MAPK14: variants seen among roughly 807,000 people sequenced by gnomAD.
MAPK14 encodes the protein CSAID-binding protein.
In MAPK14, 16 loss-of-function variants were observed where a neutral mutation model predicts 49.6. The ratio of observed to expected loss-of-function variants is 0.32; its 90% confidence interval spans 0.22 to 0.49. The LOEUF (loss-of-function observed/expected upper bound fraction) is 0.49. Among genes scored for constraint, MAPK14 ranks in the 20% least tolerant of loss-of-function variants. The pLI, the probability that MAPK14 is intolerant of heterozygous loss-of-function variation, is 0.99. For missense variants in MAPK14, 200 were observed against 441.2 expected (o/e 0.45, Z 4.90); for synonymous variants, 142 against 158.0 (o/e 0.90, Z 0.76).
intron 1 of MAPK14, among the ~76,000 whole-genome samples, chr6:36,029,872 TACATTCA>T (rs1762468537): frequency 2.5e-5 from 3 of 118,790 alleles, no homozygotes; most frequent in South Asian, 4.9e-4. Context: ...TGCAGCATTT[TACATTCA>T]GTATATACAT....
intron 8 of MAPK14, among the ~76,000 whole-genome samples, chr6:36,088,730 A>G (rs1279856416): frequency 6.6e-6 from 1 of 152,114 alleles, no homozygotes; most frequent in East Asian, 1.9e-4. Context: ...TCAAAAAAAA[A>G]AAAAAAATAT....
chr6:36,047,067 A>T (rs1218687803), intron 1 of MAPK14, among the ~76,000 whole-genome samples: 1 of 152,204 alleles, frequency 6.6e-6, no homozygotes, highest in Non-Finnish European at 1.5e-5. Flanking sequence ...TTTAGAGATG[A>T]GTATACATTT....
At chr6:36,111,839 T>TC (rs1765978034), downstream of MAPK14, among the ~76,000 whole-genome samples, 1 of 152,110 alleles carries the variant, frequency 6.6e-6, no homozygotes, top group African/African-American at 2.4e-5. Flanking sequence ...CTCCTTTCCA[T>TC]CCCCAGTGAC....
rs1456700571 is a variant in MAPK14 at position 36,107,859 on chromosome 6, G to T, written c.1015+231G>T. Among the ~76,000 whole-genome samples the T allele has an allele frequency of 2.0e-5, 3 of 152,344 alleles. No individual in the cohort carries two copies. The highest frequency in any genetic ancestry group is 7.2e-5 in the African/African-American group (3 of 41,578). ...AGCCCCTCACATAGGAGTTTTGCATGGAGAGTTGAGGTTTTCAGAGTCATT... is the reference window on the plus strand; with the variant it reads ...AGCCCCTCACATAGGAGTTTTGCATTGAGAGTTGAGGTTTTCAGAGTCATT... On this transcript the variant is annotated intron_variant, in intron 11 of 11. Transcript: ENST00000229794. The surrounding 1 kb of genome is among the most constrained non-coding windows in gnomAD (Gnocchi z 4.3).
At chr6:36,116,269 G>C in the MAPK14 span, among the ~76,000 whole-genome samples, 1 of 152,090 alleles carries the variant, frequency 6.6e-6, no homozygotes, top group Non-Finnish European at 1.5e-5. Context: ...ATGGCTGACT[G>C]CTGTCAGTCA....
At chr6:36,105,088 C>T (rs1442339528) in intron 10 of MAPK14, among the ~76,000 whole-genome samples, 1 of 152,194 alleles carries the variant, frequency 6.6e-6, no homozygotes, top group African/African-American at 2.4e-5. Flanking sequence ...CTATCACAAG[C>T]TCGTGCCCAG....
At chr6:36,034,940 C>A (rs1395751063) in intron 1 of MAPK14, among the ~76,000 whole-genome samples, 1 of 149,066 alleles carries the variant, frequency 6.7e-6, no homozygotes, top group Non-Finnish European at 1.5e-5. Flanking sequence ...GCTCTGTCGC[C>A]CAGACTGGAG....
intron 8 of MAPK14, 59 bp from the exon 9 acceptor site, chr6:36,095,928 C>A: frequency 9.4e-7 from 1 of 1,068,430 alleles, no homozygotes; most frequent in South Asian, 1.3e-5. Context: ...TTTTGTTTGT[C>A]ATTGTTTGTT....
At chr6:36,074,720 A>G (rs866649925) in intron 6 of MAPK14, among the ~76,000 whole-genome samples, 1 of 151,626 alleles carries the variant, frequency 6.6e-6, no homozygotes, top group Non-Finnish European at 1.5e-5. Flanking sequence ...GGTTCAAGCG[A>G]TTCTCCTGCC....
the MAPK14 span, among the ~76,000 whole-genome samples, chr6:36,123,869 C>T: frequency 6.6e-6 from 1 of 151,974 alleles, no homozygotes; most frequent in South Asian, 2.1e-4. Context: ...GGAGGCAGGC[C>T]TTAGGGGTGG....
At chr6:36,051,687 C>T (rs569031659) in intron 1 of MAPK14, among the ~76,000 whole-genome samples, 11 of 152,152 alleles carry the variant, frequency 7.2e-5, no homozygotes, top group Admixed American at 2.6e-4. Context: ...CCTGCTCTGC[C>T]GCTTTTAAGC....
chr6:36,066,183 G>T lies in MAPK14; in HGVS notation c.306-6690G>T, dbSNP rs978891028. 2.6e-5 allele frequency among the ~76,000 whole-genome samples: 4 copies of T among 152,258 alleles called. No homozygotes were observed. The East Asian group carries it at 7.7e-4, about 29-fold the overall frequency. ...CTAATTTTCAGATGAGGGAACTGAGGTTGAGAGAGATGAACCTAATTGTAT... is the reference window on the plus strand; with the variant it reads ...CTAATTTTCAGATGAGGGAACTGAGTTTGAGAGAGATGAACCTAATTGTAT... On this transcript the variant is annotated intron_variant, in intron 3 of 11. Coordinates refer to ENST00000229794, the MANE Select transcript of MAPK14 (RefSeq NM_139012.3).
At chr6:36,121,185 C>T in the MAPK14 span, among the ~76,000 whole-genome samples, 3 of 152,250 alleles carry the variant, frequency 2.0e-5, no homozygotes, top group South Asian at 6.2e-4. Context: ...GTTGCCTGGG[C>T]ACAGACACCT....
chr6:36,085,514 T>C (rs1764944889), intron 8 of MAPK14, among the ~76,000 whole-genome samples: 1 of 151,956 alleles, frequency 6.6e-6, no homozygotes, highest in Admixed American at 6.6e-5. Context: ...AAAGCAGGGG[T>C]TGCAATCCTA....
chr6:36,077,118 T>C (rs1228226154), intron 8 of MAPK14, among the ~76,000 whole-genome samples: 2 of 152,228 alleles, frequency 1.3e-5, no homozygotes, highest in African/African-American at 4.8e-5. Context: ...GCTTACCATG[T>C]AATGTACTTT....
At chr6:36,092,382 T>C (rs1765269667) in intron 8 of MAPK14, 1 of 665,680 alleles carries the variant, frequency 1.5e-6, no homozygotes, top group African/African-American at 1.8e-5. Flanking sequence ...CTCTATGCAG[T>C]AGCCACCCAT....
the MAPK14 span, among the ~76,000 whole-genome samples, chr6:36,117,655 A>C: frequency 6.6e-6 from 1 of 152,240 alleles, no homozygotes; most frequent in Non-Finnish European, 1.5e-5. Context: ...GATGTGATTA[A>C]GTAATTTGCT....
At chr6:36,054,534 T>A (rs73407868) in intron 2 of MAPK14, among the ~76,000 whole-genome samples, 24,445 of 152,184 alleles carry the variant, frequency 0.16, 2,683 homozygotes, top group African/African-American at 0.32. Context: ...TTCTAACAGT[T>A]GGTGGTCACC....
rs193231239 is a variant in MAPK14, at chr6:36,032,519, C to A, written c.116+4246C>A. Among the ~76,000 whole-genome samples, 14 of 152,240 alleles carry A rather than the reference C, an allele frequency of 9.2e-5. No homozygotes were observed. In the South Asian group the frequency reaches 1.9e-3, roughly 20 times the overall value. Reference sequence around the variant, plus strand: ...ACAAACAGGAACTTAAGTGCCTTTCCTCTGGGGTAGGGTTCTTCCAGGCCC... The same window carrying A: ...ACAAACAGGAACTTAAGTGCCTTTCATCTGGGGTAGGGTTCTTCCAGGCCC... On this transcript the variant is annotated intron_variant, in intron 1 of 11. Transcript: ENST00000229794.
Sources: allele counts gnomAD v4.1 joint callset (sites outside exome capture counted in the v4.1 genomes callset), GRCh38; gene constraint gnomAD v4.1.1; non-coding constraint Gnocchi (gnomAD v3.1); transcripts MANE v1.5; gene names NCBI Gene and HGNC (gene_info 2026-07-23, HGNC 2026-07-21).